GRHL2: variants seen among roughly 807,000 people sequenced by gnomAD.
The protein encoded by GRHL2 is grainyhead like transcription factor 2, also known as grainyhead-like protein 2 homolog.
A neutral mutation model predicts 83.8 loss-of-function variants in GRHL2; 21 were observed. That is an observed-to-expected ratio of 0.25 (90% CI 0.18 to 0.36). The LOEUF is 0.36. GRHL2 is among the 10% of genes least tolerant of loss of function. The pLI is 1.00. For synonymous variants in GRHL2, 280 were observed against 278.9 expected, an observed-to-expected ratio of 1.00 and a Z score of -0.04; for missense variants, 623 against 781.8, an observed-to-expected ratio of 0.80 and a Z score of 2.42.
At chr8:101,519,409 A>G (rs1053064618) in intron 1 of GRHL2, among the ~76,000 whole-genome samples, 1 of 10,466 alleles carries the variant, frequency 9.6e-5, no homozygotes, top group African/African-American at 1.2e-4. Flanking sequence ...TTATTACTTG[A>G]ATTTTTTTTT....
At chr8:101,529,115 T>C (rs1810866990) in intron 1 of GRHL2, 1 of 368,334 alleles carries the variant, frequency 2.7e-6, no homozygotes, top group Non-Finnish European at 5.3e-6. Context: ...TGTTTCTTCT[T>C]CCTCTGTTTC....
intron 1 of GRHL2, among the ~76,000 whole-genome samples, chr8:101,509,808 A>C (rs1810427081): frequency 6.6e-6 from 1 of 152,092 alleles, no homozygotes. Flanking sequence ...ATGTGATCCA[A>C]GCTATATCTT....
At chr8:101,496,729 A>T (rs1810114146) in intron 1 of GRHL2, among the ~76,000 whole-genome samples, 1 of 152,198 alleles carries the variant, frequency 6.6e-6, no homozygotes, top group Non-Finnish European at 1.5e-5. Flanking sequence ...GATCATGGAC[A>T]GCTTCTCCAA....
intron 1 of GRHL2, among the ~76,000 whole-genome samples, chr8:101,539,921 T>TTC (rs1012893498): frequency 6.6e-6 from 1 of 152,130 alleles, no homozygotes; most frequent in Admixed American, 6.5e-5. Context: ...GATAGTGATA[T>TTC]TCTCTCTCTC....
In GRHL2 at chr8:101,558,001, A is replaced by T. The variant is rs551006665; in HGVS notation, c.285-418A>T. Among the ~76,000 whole-genome samples the T allele has an allele frequency of 1.4e-4, 22 of 152,192 alleles. No individual in the cohort carries two copies. The South Asian group carries it at 4.6e-3, about 32-fold the overall frequency. ...TGCCTCAGCCTCCCGAGTAGCTGGGATTACAGGCATGCGCCACCACTCCTG... is the reference window on the plus strand; with the variant it reads ...TGCCTCAGCCTCCCGAGTAGCTGGGTTTACAGGCATGCGCCACCACTCCTG... On this transcript the variant is annotated intron_variant, in intron 3 of 15. Transcript: ENST00000646743.
At chr8:101,543,026 A>G (rs1306891001) in intron 1 of GRHL2, among the ~76,000 whole-genome samples, 2 of 152,226 alleles carry the variant, frequency 1.3e-5, no homozygotes, top group Admixed American at 6.5e-5. Context: ...ACCAACTTAT[A>G]CTACTGGTAC....
At chr8:101,607,270 A>G (rs1336557188) in intron 8 of GRHL2, among the ~76,000 whole-genome samples, 2 of 152,194 alleles carry the variant, frequency 1.3e-5, no homozygotes, top group African/African-American at 2.4e-5. Context: ...GGCGTTCTTA[A>G]TCTGCTGACC....
intron 15 of GRHL2, among the ~76,000 whole-genome samples, chr8:101,665,285 C>T (rs1408490153): frequency 6.6e-6 from 1 of 152,086 alleles, no homozygotes; most frequent in Non-Finnish European, 1.5e-5. Context: ...GAGTAGGGGC[C>T]ACAGGAGCTA....
the GRHL2 span, among the ~76,000 whole-genome samples, chr8:101,676,716 T>C: frequency 1.3e-5 from 2 of 152,170 alleles, no homozygotes; most frequent in African/African-American, 4.8e-5. Flanking sequence ...ACTGGGTATA[T>C]ACCCAAAGGA....
At position 101,543,221 on chromosome 8, in the gene GRHL2, C is replaced by T. The variant is rs776162436; in HGVS notation, c.21-20C>T. On this transcript the variant is annotated intron_variant, in intron 1 of 15. Coordinates refer to ENST00000646743, the MANE Select transcript of GRHL2 (RefSeq NM_024915.4). ...TTGCTCTCTCTGAAAATGAACCTCA[C>T]ATTTCTCTTGTTTTTACAGTAATAA... is the stretch of plus-strand genomic sequence containing the variant. 3.1e-6 allele frequency: 5 copies of T among 1,604,752 alleles called. No homozygotes were observed. The highest frequency in any genetic ancestry group is 8.5e-7 in the Non-Finnish European group (1 of 1,171,604).
intron 4 of GRHL2, among the ~76,000 whole-genome samples, chr8:101,559,633 G>A (rs1423319479): frequency 6.6e-6 from 1 of 152,192 alleles, no homozygotes; most frequent in African/African-American, 2.4e-5. Flanking sequence ...GTGTATGTGT[G>A]CATTCTTTCT....
At chr8:101,517,293 A>G (rs557192139) in intron 1 of GRHL2, among the ~76,000 whole-genome samples, 1 of 152,140 alleles carries the variant, frequency 6.6e-6, no homozygotes, top group East Asian at 1.9e-4. Flanking sequence ...GTCTTACTGC[A>G]TTTATCTCCC....
intron 1 of GRHL2, among the ~76,000 whole-genome samples, chr8:101,503,726 A>G (rs1442326738): frequency 6.6e-6 from 1 of 152,216 alleles, no homozygotes; most frequent in East Asian, 1.9e-4. Flanking sequence ...TAGTGAGATG[A>G]TGGGACACTA....
At chr8:101,577,700 C>T (rs1404349376) in intron 7 of GRHL2, among the ~76,000 whole-genome samples, 181 bp downstream of exon 7, 3 of 152,158 alleles carry the variant, frequency 2.0e-5, no homozygotes, top group Non-Finnish European at 2.9e-5. Flanking sequence ...CAGGCTAAGC[C>T]GAGAGCAAAG....
chr8:101,575,778 A>G (rs1025532448), intron 6 of GRHL2, among the ~76,000 whole-genome samples: 10 of 152,170 alleles, frequency 6.6e-5, no homozygotes, highest in African/African-American at 2.4e-4. Flanking sequence ...CACGCAGTAA[A>G]CTTTGACACA....
intron 4 of GRHL2, among the ~76,000 whole-genome samples, chr8:101,564,348 A>G (rs117613042): frequency 0.021 from 3,197 of 152,334 alleles, 50 homozygotes; most frequent in Non-Finnish European, 0.034. Flanking sequence ...TAGGCAAACT[A>G]TTAAAATATC....
intron 15 of GRHL2, among the ~76,000 whole-genome samples, chr8:101,665,923 G>T (rs1814043151): frequency 6.6e-6 from 1 of 152,178 alleles, no homozygotes; most frequent in African/African-American, 2.4e-5. Flanking sequence ...CTCTATCAGG[G>T]ATAGTTAGCC....
chr8:101,562,769 T>C (rs1811634097), intron 4 of GRHL2, among the ~76,000 whole-genome samples: 1 of 152,232 alleles, frequency 6.6e-6, no homozygotes, highest in Non-Finnish European at 1.5e-5. Flanking sequence ...ATCAGCTTCT[T>C]CACTGTTTAG....
intron 2 of GRHL2, among the ~76,000 whole-genome samples, chr8:101,544,790 C>A (rs185119109): frequency 6.6e-6 from 1 of 152,244 alleles, no homozygotes; most frequent in Admixed American, 6.5e-5. Context: ...TTTTAGTAAC[C>A]TTTGGTCTTG....
Sources: gnomAD v4.1 joint callset for allele counts (sites outside exome capture counted in the v4.1 genomes callset) on GRCh38, gnomAD v4.1.1 for gene constraint, MANE v1.5 for transcripts, NCBI Gene and HGNC (gene_info 2026-07-23, HGNC 2026-07-21) for gene names.